The following TMEM179 variants were observed in gnomAD, a reference collection of about 807,000 sequenced individuals.
TMEM179 encodes the protein transmembrane protein 179.
In TMEM179, 17 loss-of-function variants were observed where a neutral mutation model predicts 22.2. The ratio of observed to expected loss-of-function variants is 0.77; its 90% CI spans 0.52 to 1.15. The LOEUF (loss-of-function observed/expected upper bound fraction) is 1.15, where lower values mean the gene tolerates loss of function less well. Ranked by LOEUF, TMEM179 falls within the 50% of genes most tolerant of loss-of-function variation. The pLI, the probability that TMEM179 is intolerant of heterozygous loss-of-function variation, is 0.00. For synonymous variants in TMEM179, 127 were observed against 140.5 expected (o/e 0.90, Z 0.68); for missense variants, 265 against 313.6 (o/e 0.84, Z 1.17).
intron 1 of TMEM179, among the ~76,000 whole-genome samples, chr14:104,600,700 C>A (rs1887209569): frequency 6.6e-6 from 1 of 152,226 alleles, no homozygotes; most frequent in South Asian, 2.1e-4. Flanking sequence ...CAAAAAGCTA[C>A]CCCCAGACTA....
intron 2 of TMEM179, among the ~76,000 whole-genome samples, chr14:104,596,262 G>A (rs1411607309): frequency 6.6e-6 from 1 of 152,240 alleles, no homozygotes; most frequent in African/African-American, 2.4e-5. Context: ...GAGGGTTCCT[G>A]TCTTCCAGGG....
At chr14:104,600,112 C>T (rs1207205834) in intron 1 of TMEM179, among the ~76,000 whole-genome samples, 1 of 152,224 alleles carries the variant, frequency 6.6e-6, no homozygotes, top group Non-Finnish European at 1.5e-5. Flanking sequence ...GTCTGTTCCT[C>T]TCATTCCTTT....
Position 104,591,642 on chromosome 14 carries a change from C to A in TMEM179, c.*1837G>T. ...GCACCTGCCAGCCTCACTCCCGGGA[C>A]CCAGGATGATGCCCCCACCAGGACC... On this transcript the variant is annotated 3_prime_UTR_variant, in exon 4 of 4. Transcript: ENST00000556573. 2.9e-6 allele frequency: 1 copy of A among 342,806 alleles called. No individual in the cohort carries two copies. Among genetic ancestry groups the A allele is most frequent in the South Asian group, 2.1e-5 (1 of 46,800 alleles). The allele number at this position is 342,806 out of a possible 1,614,324, so 21.2% of individuals were successfully genotyped here.
At chr14:104,596,306 G>A (rs972210854) in intron 2 of TMEM179, among the ~76,000 whole-genome samples, 2 of 152,180 alleles carry the variant, frequency 1.3e-5, no homozygotes, top group African/African-American at 4.8e-5. Context: ...TGCCCCTCAG[G>A]GCGGGGCATC....
intron 1 of TMEM179, among the ~76,000 whole-genome samples, chr14:104,601,450 TC>T (rs1045859929): frequency 8.5e-5 from 13 of 152,110 alleles, no homozygotes; most frequent in African/African-American, 2.7e-4. Flanking sequence ...CAGCTGTGGG[TC>T]CCCTAGGGTG....
At position 104,596,495 on chromosome 14, in the gene TMEM179, C is replaced by T. The variant is rs148582009; in HGVS notation, c.443+495G>A. Among the ~76,000 whole-genome samples, 369 of 152,322 alleles carry T rather than the reference C, an allele frequency of 2.4e-3. 3 individuals carry two copies. Among genetic ancestry groups the T allele is most frequent in the Middle Eastern group, 6.8e-3 (2 of 294 alleles). Reference sequence around the variant, plus strand: ...CTCTGCTCCTGTTCTTCACCATCCCCGTCCCTTCCACCATCTTCCAAACTC... The same window carrying T: ...CTCTGCTCCTGTTCTTCACCATCCCTGTCCCTTCCACCATCTTCCAAACTC... On this transcript the variant is annotated intron_variant, in intron 2 of 3. Transcript: ENST00000556573.
Position 104,595,970 on chromosome 14 carries a change from C to T in TMEM179, c.444-727G>A, listed in dbSNP as rs1379983629. ...TGTCTGTGAGGCCAAGGAAACTTTG[C>T]GTGTGTACCAGAGGTTGCCCACACT... On this transcript the variant is annotated intron_variant, in intron 2 of 3. Coordinates refer to ENST00000556573, the MANE Select transcript of TMEM179 (RefSeq NM_001286389.2). The surrounding 1 kb of genome is among the most constrained non-coding windows in gnomAD (Gnocchi z 5.7). Among the ~76,000 whole-genome samples, 2 of 152,248 alleles carry T rather than the reference C, an allele frequency of 1.3e-5. No individual in the cohort carries two copies. Among genetic ancestry groups the T allele is most frequent in the East Asian group, 1.9e-4 (1 of 5,192 alleles).
chr14:104,594,707 T>C (rs1426283851), intron 3 of TMEM179: 2 of 1,154,698 alleles, frequency 1.7e-6, no homozygotes, highest in Non-Finnish European at 2.1e-6. Context: ...TGGGATCCCC[T>C]GCCTCCTTCC....
Position 104,597,022 on chromosome 14 carries a change from G to C in TMEM179, c.411C>G (p.Asp137Glu). 6.2e-7 allele frequency: 1 copy of C among 1,609,686 alleles called. No homozygotes were observed. The highest frequency in any genetic ancestry group is 8.5e-7 in the Non-Finnish European group (1 of 1,179,252). Residue 137 changes from aspartate (D) to glutamate (E), a missense_variant, in exon 2 of 4, where the codon GAC becomes GAG. Coordinates refer to ENST00000556573, the MANE Select transcript of TMEM179 (RefSeq NM_001286389.2). The surrounding 1 kb of genome is among the most constrained non-coding windows in gnomAD (Gnocchi z 4.8). ...IVSVGFTMWC[D>E]TITEKGTVPH... The stretch of plus-strand genomic sequence containing the variant: ...GTACGGTGCCCTTCTCGGTGATGGT[G>C]TCGCACCACATGGTGAAGCCCACGC...
At chr14:104,594,617 C>T (rs1278449765) in intron 3 of TMEM179, 3 of 1,227,642 alleles carry the variant, frequency 2.4e-6, no homozygotes, top group Non-Finnish European at 3.0e-6. Context: ...GTGGGGGCCA[C>T]CATCGCCCTC....
Position 104,593,554 on chromosome 14 carries a change from G to A in TMEM179, c.627C>T (p.Ile209=). The change falls in exon 4 of 4, where the codon ATC becomes ATT. Residue 209 remains isoleucine (I), a synonymous_variant. Transcript: ENST00000556573. ...YRQEDLLDSL[I]HEKELLLARP... is the part of the protein sequence containing the mutation. ...GGGCCAGCAGCAGCTCCTTCTCGTG[G>A]ATCAGGCTGTCCAGCAGGTCCTCCT... is the stretch of plus-strand genomic sequence containing the variant. 6.5e-7 allele frequency: 1 copy of A among 1,534,760 alleles called. No homozygotes were observed. The highest frequency in any genetic ancestry group is 8.7e-7 in the Non-Finnish European group (1 of 1,145,922).
chr14:104,599,666 C>T (rs995755852), intron 1 of TMEM179, among the ~76,000 whole-genome samples: 19 of 152,206 alleles, frequency 1.2e-4, no homozygotes, highest in African/African-American at 3.9e-4. Context: ...CCAGCTGCTC[C>T]GCCCCAGCCA....
At chr14:104,596,096 C>T (rs192326988) in intron 2 of TMEM179, among the ~76,000 whole-genome samples, 45 of 152,366 alleles carry the variant, frequency 3.0e-4, no homozygotes, top group Middle Eastern at 3.4e-3. Flanking sequence ...GGCCACACAC[C>T]CAGGTGCTCC....
rs1329275118 is a variant in TMEM179, at chr14:104,604,544, G to A, written c.198C>T (p.Gly66=). The A allele has an allele frequency of 6.5e-7, 1 of 1,538,476 alleles. No homozygotes were observed. Among genetic ancestry groups the A allele is most frequent in the Non-Finnish European group, 8.7e-7 (1 of 1,145,538 alleles). The change falls in exon 1 of 4, where the codon GGC becomes GGT. Residue 66 remains glycine, a synonymous_variant. Coordinates refer to ENST00000556573, the MANE Select transcript of TMEM179 (RefSeq NM_001286389.2). The surrounding 1 kb of genome is among the most constrained non-coding windows in gnomAD (Gnocchi z 4.6). Reference sequence around the variant, plus strand: ...GGCTGAAGCGGCAGGCGGCCGGCGGGCCCCACTCCTGCACCGTGAAGCGCT... The same window carrying A: ...GGCTGAAGCGGCAGGCGGCCGGCGGACCCCACTCCTGCACCGTGAAGCGCT... ...ERERFTVQEW[G]PPAACRFSLL...
Position 104,595,004 on chromosome 14 carries a change from AG to A in TMEM179, c.522+160del. Reference sequence around the variant, plus strand: ...CAGCTCTCCCCCACCTCCTGCAGGAAGCCTTCCCGACTGCTCCCACTGCCTG... The same window carrying A: ...CAGCTCTCCCCCACCTCCTGCAGGAACCTTCCCGACTGCTCCCACTGCCTG... On this transcript the variant is annotated intron_variant, in intron 3 of 3. Transcript: ENST00000556573. The surrounding 1 kb of genome is among the most constrained non-coding windows in gnomAD (Gnocchi z 5.7). The A allele has an allele frequency of 6.7e-7, 1 of 1,490,342 alleles. No homozygotes were observed. Among genetic ancestry groups the A allele is most frequent in the Non-Finnish European group, 8.9e-7 (1 of 1,119,432 alleles). 92.3% of individuals were successfully genotyped at this position (1,490,342 alleles called of 1,614,324 possible).
chr14:104,601,301 A>G (rs1887230677), intron 1 of TMEM179, among the ~76,000 whole-genome samples: 1 of 152,184 alleles, frequency 6.6e-6, no homozygotes, highest in African/African-American at 2.4e-5. Flanking sequence ...AGTGACCACA[A>G]GGCAGCAGGC....
At chr14:104,602,486 G>A (rs1262425392) in intron 1 of TMEM179, among the ~76,000 whole-genome samples, 2 of 152,206 alleles carry the variant, frequency 1.3e-5, no homozygotes, top group Admixed American at 6.5e-5. Context: ...GACCTCAAGC[G>A]TTGGGAGGCT....
intron 2 of TMEM179, 88 bp downstream of exon 2, chr14:104,596,902 G>A (rs1002667666): frequency 5.0e-5 from 76 of 1,519,446 alleles, no homozygotes; most frequent in Non-Finnish European, 6.0e-5. Context: ...GATGGGCTTC[G>A]TGAGGGAAGA....
intron 1 of TMEM179, among the ~76,000 whole-genome samples, chr14:104,599,382 T>A (rs568852969): frequency 1.1e-4 from 17 of 152,090 alleles, no homozygotes; most frequent in Non-Finnish European, 2.1e-4. Context: ...AAGTCACTGC[T>A]CCTCTCCAGG....
Sources: gnomAD v4.1 joint callset for allele counts (sites outside exome capture counted in the v4.1 genomes callset) on GRCh38, gnomAD v4.1.1 for gene constraint, Gnocchi (gnomAD v3.1) non-coding constraint, MANE v1.5 for transcripts, NCBI Gene and HGNC (gene_info 2026-07-23, HGNC 2026-07-21) for gene names.